Variants in DHTKD1 observed in about 807,000 individuals in gnomAD.
The protein encoded by DHTKD1 is dehydrogenase E1 and transketolase domain containing 1.
Under a neutral mutation model 101.8 loss-of-function variants are expected in DHTKD1, and 78 were observed. That is an observed-to-expected ratio of 0.77 (90% CI 0.64 to 0.93). The LOEUF (loss-of-function observed/expected upper bound fraction) is 0.93. Among genes scored for constraint, DHTKD1 ranks in the 40% least tolerant of loss-of-function variants. DHTKD1 has a pLI of 0.00. For missense variants in DHTKD1, 1,223 were observed against 1,161.7 expected, an observed-to-expected ratio of 1.05 and a Z score of -0.77; for synonymous variants, 462 against 450.3, an observed-to-expected ratio of 1.03 and a Z score of -0.33.
intron 7 of DHTKD1, 156 bp downstream of exon 7, chr10:12,094,427 C>T (rs1443963528): frequency 2.9e-6 from 2 of 682,102 alleles, no homozygotes; most frequent in Non-Finnish European, 5.1e-6. Flanking sequence ...AAATGATCCT[C>T]CTGCCTCAAG....
rs551397461 is a variant in DHTKD1, at chr10:12,084,401, A to G, written c.311-139A>G. On this transcript the variant is annotated intron_variant, in intron 2 of 16. Transcript: ENST00000263035. ...AATCATTACTGCATATAACAAAACA[A>G]TGCCTTCAATTAAAGGGGGAAAGTG... 31 of 597,574 alleles carry G rather than the reference A, an allele frequency of 5.2e-5. 1 individual carries two copies. The South Asian group carries it at 6.3e-4, about 12-fold the overall frequency. The allele number at this position is 597,574 out of a possible 1,614,324, so 37.0% of individuals were successfully genotyped here. A position where few individuals can be genotyped will look rare whatever the true frequency, so the allele number is the denominator to read the frequency against.
At chr10:12,113,231 T>C (rs1362025015) in intron 13 of DHTKD1, among the ~76,000 whole-genome samples, 167 bp downstream of exon 13, 1 of 152,246 alleles carries the variant, frequency 6.6e-6, no homozygotes, top group East Asian at 1.9e-4. Context: ...GCAGTCTTGC[T>C]CTGTCGCCCA....
intron 15 of DHTKD1, among the ~76,000 whole-genome samples, chr10:12,119,609 C>G (rs1359729181): frequency 7.8e-6 from 1 of 127,436 alleles, no homozygotes; most frequent in African/African-American, 3.0e-5. Flanking sequence ...GAGCGAGACT[C>G]CGTCTCAAAA....
chr10:12,107,940 C>T lies in DHTKD1; in HGVS notation c.2079C>T (p.Ile693=), dbSNP rs1722462. Residue 693 remains isoleucine (I), a synonymous_variant, in exon 12 of 17, where the codon ATC becomes ATT. Coordinates refer to ENST00000263035, the MANE Select transcript of DHTKD1 (RefSeq NM_018706.7). The surrounding 1 kb of genome is among the most constrained non-coding windows in gnomAD (Gnocchi z 4.1). ...GEAKWLLQSG[I]VILLPHGYDG... is the part of the protein sequence containing the mutation. ...CCAAGTGGCTCCTACAAAGCGGCAT[C>T]GTCATCCTCCTTCCACATGGCTACG... 0.89 allele frequency: 1,441,883 copies of T among 1,613,176 alleles called. 645,201 individuals are homozygous for T. Among genetic ancestry groups the T allele is most frequent in the East Asian group, 0.98 (43,984 of 44,864 alleles).
chr10:12,112,963 A>T lies in DHTKD1; in HGVS notation c.2218A>T (p.Thr740Ser). The T allele has an allele frequency of 6.2e-7, 1 of 1,613,740 alleles. No homozygotes were observed. Residue 740 changes from threonine (T) to serine (S), a missense_variant, in exon 13 of 17, where the codon ACA becomes TCA. Transcript: ENST00000263035. ...DTVNMFVVHP[T>S]TPAQYFHLLR... is the part of the protein sequence containing the mutation. ...TGTGAACATGTTTGTGGTTCACCCAACAACTCCTGCACAGTATTTCCACTT... is the reference window on the plus strand; with the variant it reads ...TGTGAACATGTTTGTGGTTCACCCATCAACTCCTGCACAGTATTTCCACTT...
chr10:12,097,745 CAGG>C lies in DHTKD1; in HGVS notation c.1427_1429del (p.Glu476del). The C allele has an allele frequency of 6.2e-7, 1 of 1,614,104 alleles. No homozygotes were observed. The highest frequency in any genetic ancestry group is 8.5e-7 in the Non-Finnish European group (1 of 1,179,982). Reference sequence around the variant, plus strand: ...CCTCATTGCTGGCGGACTCATGACGCAGGAGGAGGTGTCTGAAATAAAATCCTC... The same window carrying C: ...CCTCATTGCTGGCGGACTCATGACGCAGGAGGTGTCTGAAATAAAATCCTC... On this transcript the variant is annotated inframe_deletion, in exon 8 of 17. Coordinates refer to ENST00000263035, the MANE Select transcript of DHTKD1 (RefSeq NM_018706.7).
intron 15 of DHTKD1, among the ~76,000 whole-genome samples, chr10:12,119,824 A>T (rs1319361719): frequency 1.3e-5 from 2 of 152,052 alleles, no homozygotes; most frequent in Non-Finnish European, 2.9e-5. Flanking sequence ...CCCAGAACTT[A>T]AAAAAGAAAA....
In DHTKD1 at chr10:12,089,091, G is replaced by T. The variant is rs756701886; in HGVS notation, c.823G>T (p.Ala275Ser). The change falls in exon 5 of 17, where the codon GCG becomes TCG. Residue 275 changes from alanine to serine, a missense_variant. Physicochemically the swap from Ala to Ser is moderately conservative, Grantham distance 99. Transcript: ENST00000263035. ...CTCCTCTGTGGACCTGTACTTTGGG[G>T]CGCACCATCCCCTCCATGTGACAAT... ...LTSSVDLYFG[A>S]HHPLHVTMLP... 1 of 1,614,126 alleles carries T rather than the reference G, an allele frequency of 6.2e-7. No individual in the cohort carries two copies. The highest frequency in any genetic ancestry group is 1.7e-5 in the Admixed American group (1 of 59,986).
At chr10:12,094,359 C>A in intron 7 of DHTKD1, 88 bp downstream of exon 7, 1 of 1,243,184 alleles carries the variant, frequency 8.0e-7, no homozygotes, top group Non-Finnish European at 1.2e-6. Flanking sequence ...GCTTTGTCAC[C>A]CAGTCTGGAA....
intron 13 of DHTKD1, among the ~76,000 whole-genome samples, chr10:12,116,770 C>A (rs1014187185): frequency 6.6e-6 from 1 of 151,510 alleles, no homozygotes; most frequent in East Asian, 1.9e-4. Flanking sequence ...GATCATGGCT[C>A]ATTGCAACTT....
chr10:12,097,421 C>T (rs571649165), intron 7 of DHTKD1, among the ~76,000 whole-genome samples: 108 of 152,110 alleles, frequency 7.1e-4, no homozygotes, highest in African/African-American at 1.9e-3. Context: ...TACAGGCGCC[C>T]GCCACCATGC....
chr10:12,106,005 G>T (rs1306982467), intron 10 of DHTKD1, among the ~76,000 whole-genome samples: 1 of 152,190 alleles, frequency 6.6e-6, no homozygotes, highest in Non-Finnish European at 1.5e-5. Context: ...TGAGGCAAGA[G>T]AATCACTTGA....
intron 7 of DHTKD1, among the ~76,000 whole-genome samples, chr10:12,096,105 A>G (rs73577254): frequency 0.01 from 1,528 of 152,234 alleles, 38 homozygotes; most frequent in African/African-American, 0.034. Flanking sequence ...CATGGCTTGC[A>G]TTTCATTTCT....
At chr10:12,076,761 C>T (rs1298664345) in intron 1 of DHTKD1, among the ~76,000 whole-genome samples, 1 of 151,882 alleles carries the variant, frequency 6.6e-6, no homozygotes, top group Admixed American at 6.6e-5. Context: ...CGGGTTTACG[C>T]CATTCTCCTA....
chr10:12,069,283 T>G, intron 1 of DHTKD1, 96 bp downstream of exon 1: 34 of 467,022 alleles, frequency 7.3e-5, no homozygotes, highest in South Asian at 2.0e-4. Flanking sequence ...GGGAACCGGC[T>G]GCCGGCCTGA....
intron 3 of DHTKD1, among the ~76,000 whole-genome samples, chr10:12,085,708 G>A (rs898056068): frequency 5.9e-5 from 9 of 152,098 alleles, no homozygotes; most frequent in African/African-American, 1.4e-4. Context: ...GTGAAACCCC[G>A]TGTCTACTAA....
chr10:12,118,894 A>G lies in DHTKD1; in HGVS notation c.2548A>G (p.Met850Val). The change falls in exon 15 of 17, where the codon ATG becomes GTG. Residue 850 changes from methionine to valine, a missense_variant. Physicochemically the swap from Met to Val is conservative, Grantham distance 21. Coordinates refer to ENST00000263035, the MANE Select transcript of DHTKD1 (RefSeq NM_018706.7). Reference sequence around the variant, plus strand: ...CCCGTTGGATTCTTTACAGCAAGAGATGAGCAAATACAAACATGTTAAAGG... The same window carrying G: ...CCCGTTGGATTCTTTACAGCAAGAGGTGAGCAAATACAAACATGTTAAAGG... ...PFPLDSLQQE[M>V]SKYKHVKDHI... The G allele has an allele frequency of 6.3e-7, 1 of 1,591,718 alleles. No individual in the cohort carries two copies. The highest frequency in any genetic ancestry group is 1.1e-5 in the South Asian group (1 of 87,550).
chr10:12,105,041 G>A (rs1426483764), intron 10 of DHTKD1, among the ~76,000 whole-genome samples: 1 of 151,634 alleles, frequency 6.6e-6, no homozygotes, highest in African/African-American at 2.4e-5. Context: ...TGTATTTTTT[G>A]TAGAGACTGG....
chr10:12,069,518 C>CTTTTTTTTTTTT (rs10691718), intron 1 of DHTKD1, among the ~76,000 whole-genome samples: 4 of 81,552 alleles, frequency 4.9e-5, no homozygotes, highest in Admixed American at 1.7e-4. Context: ...TTTTTGTTTC[C>CTTTTTTTTTTTT]TTTTTTTTTT....
Sources: gnomAD v4.1 joint callset for allele counts (sites outside exome capture counted in the v4.1 genomes callset) on GRCh38, gnomAD v4.1.1 for gene constraint, Gnocchi (gnomAD v3.1) non-coding constraint, MANE v1.5 for transcripts, NCBI Gene and HGNC (gene_info 2026-07-23, HGNC 2026-07-21) for gene names.